Variants in IL1RL1 observed in about 807,000 individuals in gnomAD.
The protein encoded by IL1RL1 is interleukin 1 receptor like 1, also known as interleukin-1 receptor-like 1.
IL1RL1 carries 32 observed loss-of-function variants against 50.9 expected under a neutral mutation model. That is an observed-to-expected ratio of 0.63 (90% CI 0.47 to 0.84). IL1RL1 has a LOEUF of 0.84. IL1RL1 is among the 40% of genes least tolerant of loss of function. The pLI is 0.00. For synonymous variants in IL1RL1, 275 were observed against 236.0 expected, an observed-to-expected ratio of 1.17 and a Z score of -1.51; for missense variants, 773 against 662.9, an observed-to-expected ratio of 1.17 and a Z score of -1.82.
Position 102,338,306 on chromosome 2 carries a change from T to C in IL1RL1, c.42T>C (p.Tyr14=), listed in dbSNP as rs1192056590. The change falls in exon 2 of 11, where the codon TAT becomes TAC. Residue 14 remains tyrosine, a synonymous_variant. Transcript: ENST00000233954. ...TAGCAATTCTCACAATTCTCATGTA[T>C]TCCACAGCAGCAAAGTTTAGTAAGT... ...WILAILTILM[Y]STAAKFSKQS... 6.2e-7 allele frequency: 1 copy of C among 1,601,792 alleles called. No individual in the cohort carries two copies. The highest frequency in any genetic ancestry group is 1.3e-5 in the African/African-American group (1 of 74,832).
intron 1 of IL1RL1, 72 bp from the exon 2 acceptor site, chr2:102,338,044 G>T: frequency 2.7e-6 from 1 of 364,398 alleles, no homozygotes; most frequent in Admixed American, 4.4e-5. Flanking sequence ...CATTCTCCTG[G>T]GTGGTGCTGA....
At chr2:102,336,515 T>C (rs1300535246) in intron 1 of IL1RL1, among the ~76,000 whole-genome samples, 1 of 152,214 alleles carries the variant, frequency 6.6e-6, no homozygotes, top group East Asian at 1.9e-4. Flanking sequence ...AGTTTACTCA[T>C]GATAGGGTCA....
At chr2:102,327,728 T>C (rs544851330) in intron 1 of IL1RL1, among the ~76,000 whole-genome samples, 38 of 152,204 alleles carry the variant, frequency 2.5e-4, no homozygotes, top group African/African-American at 9.2e-4. Flanking sequence ...TATAAACACC[T>C]CTATGCAAAT....
chr2:102,340,879 T>A, intron 5 of IL1RL1, 51 bp downstream of exon 5: 1 of 1,434,146 alleles, frequency 7.0e-7, no homozygotes, highest in Non-Finnish European at 9.3e-7. Flanking sequence ...GAAGTCGAAG[T>A]GGGAACAGCG....
At chr2:102,341,138 G>T in intron 5 of IL1RL1, 3 of 1,016,776 alleles carry the variant, frequency 3.0e-6, no homozygotes, top group South Asian at 3.1e-5. Flanking sequence ...TTTTTGAATG[G>T]CAATACAACT....
At chr2:102,344,851 A>C (rs909833139) in intron 8 of IL1RL1, 1 of 961,120 alleles carries the variant, frequency 1.0e-6, no homozygotes, top group Non-Finnish European at 1.2e-6. Flanking sequence ...TCATTTGGAA[A>C]GTCAAATTGT....
Position 102,338,194 on chromosome 2 carries a change from G to A in IL1RL1, c.-71G>A, listed in dbSNP as rs77378267. ...CTCATGTGTGGTGACCTTCACTGTC[G>A]TATGCCAGTGACTCATCTGGAGTAA... On this transcript the variant is annotated 5_prime_UTR_variant, in exon 2 of 11. Coordinates refer to ENST00000233954, the MANE Select transcript of IL1RL1 (RefSeq NM_016232.5). The A allele has an allele frequency of 7.4e-3, 7,336 of 985,246 alleles. 291 individuals carry two copies. The African/African-American group carries it at 0.096, about 13-fold the overall frequency. 61.0% of individuals were successfully genotyped at this position (985,246 alleles called of 1,614,324 possible). A position where few individuals can be genotyped will look rare whatever the true frequency, so the allele number is the denominator to read the frequency against.
intron 3 of IL1RL1, 106 bp from the exon 4 acceptor site, chr2:102,339,992 T>C: frequency 1.9e-6 from 1 of 533,530 alleles, no homozygotes; most frequent in Non-Finnish European, 3.1e-6. Flanking sequence ...ATTATGTATA[T>C]TGATGGTTTT....
intron 1 of IL1RL1, among the ~76,000 whole-genome samples, chr2:102,320,472 T>A (rs556787005): frequency 6.6e-6 from 1 of 152,290 alleles, no homozygotes; most frequent in East Asian, 1.9e-4. Flanking sequence ...CAGTGACATA[T>A]CCCAAATTTG....
intron 5 of IL1RL1, chr2:102,341,114 A>C (rs1677543324): frequency 1.1e-6 from 1 of 920,718 alleles, no homozygotes. Context: ...TCTGAATGCT[A>C]ACTTAACTTA....
intron 1 of IL1RL1, among the ~76,000 whole-genome samples, chr2:102,323,701 G>A (rs371378884): frequency 2.0e-5 from 3 of 152,076 alleles, no homozygotes; most frequent in African/African-American, 7.2e-5. Flanking sequence ...CTATTCATGA[G>A]GGATCCACCC....
At chr2:102,325,101 C>T (rs11123921) in intron 1 of IL1RL1, among the ~76,000 whole-genome samples, 1 of 151,898 alleles carries the variant, frequency 6.6e-6, no homozygotes, top group Admixed American at 6.5e-5. Context: ...AGGCACCCCC[C>T]AGTAGGGGGC....
chr2:102,342,790 T>G (rs936841271), intron 6 of IL1RL1, among the ~76,000 whole-genome samples: 20 of 152,236 alleles, frequency 1.3e-4, no homozygotes, highest in African/African-American at 4.1e-4. Flanking sequence ...TTGGCCTTGT[T>G]AGTTTCCCAT....
Position 102,342,300 on chromosome 2 carries a change from A to G in IL1RL1, c.682+6A>G, listed in dbSNP as rs781238922. ...AATAAAGGAAGTGGAAATTGGTAAGAAAATTTATCAGAATGCTGTAAATAT... is the reference window on the plus strand; with the variant it reads ...AATAAAGGAAGTGGAAATTGGTAAGGAAATTTATCAGAATGCTGTAAATAT... On this transcript the variant is annotated splice_donor_region_variant and intron_variant, in intron 6 of 10. Coordinates refer to ENST00000233954, the MANE Select transcript of IL1RL1 (RefSeq NM_016232.5). 2 of 1,583,868 alleles carry G rather than the reference A, an allele frequency of 1.3e-6. No homozygotes were observed. The highest frequency in any genetic ancestry group is 1.7e-6 in the Non-Finnish European group (2 of 1,152,732).
At chr2:102,329,420 T>C (rs1303056671) in intron 1 of IL1RL1, among the ~76,000 whole-genome samples, 5 of 152,176 alleles carry the variant, frequency 3.3e-5, no homozygotes, top group South Asian at 2.1e-4. Context: ...ATTCAGGACA[T>C]AGGCATGGGC....
intron 1 of IL1RL1, among the ~76,000 whole-genome samples, chr2:102,311,937 T>TATAATATTATATATA (rs2104953956): frequency 2.1e-5 from 1 of 46,550 alleles, no homozygotes; most frequent in Admixed American, 3.7e-4. Flanking sequence ...ATATATTATA[T>TATAATATTATATATA]ATAATATTAT....
rs1170581629 is a variant in IL1RL1 at position 102,338,115 on chromosome 2, G to C, written c.-149-1G>C. ...ATGGTTTTGTCTAACTTATTTTTCA[G>C]TTGAGATATAGGCTACTCTTCCCAA... On this transcript the variant is annotated splice_acceptor_variant, in intron 1 of 10. Coordinates refer to ENST00000233954, the MANE Select transcript of IL1RL1 (RefSeq NM_016232.5). LOFTEE classifies it low-confidence loss of function (5UTR_SPLICE). 31 of 474,344 alleles carry C rather than the reference G, an allele frequency of 6.5e-5. 1 individual carries two copies. In the East Asian group the frequency reaches 1.0e-3, roughly 15 times the overall value. 29.4% of individuals were successfully genotyped at this position (474,344 alleles called of 1,614,324 possible). A position where few individuals can be genotyped will look rare whatever the true frequency, so the allele number is the denominator to read the frequency against.
chr2:102,351,672 C>T lies in IL1RL1; in HGVS notation c.1422C>T (p.Asp474=), dbSNP rs553180734. ...TGCACTGTGCCCTCATCCAGAACGA[C>T]GCCAAGGTGATACTTATTGAGATGG... The part of the protein sequence containing the change: ...VALHCALIQN[D]AKVILIEMEA... The change falls in exon 11 of 11, where the codon GAC becomes GAT. Residue 474 remains aspartate, a synonymous_variant. Coordinates refer to ENST00000233954, the MANE Select transcript of IL1RL1 (RefSeq NM_016232.5). 86 of 1,614,080 alleles carry T rather than the reference C, an allele frequency of 5.3e-5. No individual in the cohort carries two copies. Among genetic ancestry groups the T allele is most frequent in the Middle Eastern group, 1.6e-4 (1 of 6,062 alleles).
At chr2:102,322,092 G>A (rs1676853111) in intron 1 of IL1RL1, among the ~76,000 whole-genome samples, 1 of 152,174 alleles carries the variant, frequency 6.6e-6, no homozygotes, top group Non-Finnish European at 1.5e-5. Context: ...CAGTCTAAAA[G>A]CTACAAGGCA....
Sources: allele counts gnomAD v4.1 joint callset (sites outside exome capture counted in the v4.1 genomes callset), GRCh38; gene constraint gnomAD v4.1.1; transcripts MANE v1.5; gene names NCBI Gene and HGNC (gene_info 2026-07-23, HGNC 2026-07-21).